The following TMEM178B variants were observed in gnomAD, a reference collection of about 807,000 sequenced individuals.
TMEM178B encodes the protein transmembrane protein 178B.
A neutral mutation model predicts 31.0 loss-of-function variants in TMEM178B; 5 were observed. The observed-to-expected ratio is 0.16, with a 90% CI of 0.08 to 0.34. The LOEUF (loss-of-function observed/expected upper bound fraction) is 0.34, where lower values mean the gene tolerates loss of function less well. Among genes scored for constraint, TMEM178B ranks in the 10% least tolerant of loss-of-function variants. The probability of loss-of-function intolerance (pLI) is 1.00; values close to 1 mark genes in which losing one functional copy is unlikely to be tolerated. For missense variants in TMEM178B, 275 were observed against 400.3 expected (o/e 0.69, Z 2.67); for synonymous variants, 164 against 164.0 (o/e 1.00, Z 0.00).
At chr7:141,118,324 T>G (rs1795352557) in intron 1 of TMEM178B, among the ~76,000 whole-genome samples, 1 of 152,228 alleles carries the variant, frequency 6.6e-6, no homozygotes. Flanking sequence ...TGAAGAGCCC[T>G]GAGTCTAGAT....
chr7:141,115,035 T>TTG (rs141595860), intron 1 of TMEM178B, among the ~76,000 whole-genome samples: 1,652 of 148,646 alleles, frequency 0.011, 23 homozygotes, highest in African/African-American at 0.028. Flanking sequence ...TCTGTGGGAT[T>TTG]TGTGTGTGTG....
intron 2 of TMEM178B, among the ~76,000 whole-genome samples, chr7:141,405,933 C>T (rs1800877704): frequency 6.6e-6 from 1 of 152,154 alleles, no homozygotes; most frequent in African/African-American, 2.4e-5. Flanking sequence ...GTGTTCAGTC[C>T]TCATTAAAAT....
At chr7:141,294,074 C>A (rs1221506619) in intron 2 of TMEM178B, among the ~76,000 whole-genome samples, 1 of 151,940 alleles carries the variant, frequency 6.6e-6, no homozygotes, top group African/African-American at 2.4e-5. Flanking sequence ...GGTTTGAGTC[C>A]CAAGTTTGCC....
intron 2 of TMEM178B, among the ~76,000 whole-genome samples, chr7:141,374,239 T>C (rs17162168): frequency 0.1 from 15,619 of 152,188 alleles, 1,366 homozygotes; most frequent in African/African-American, 0.23. Context: ...TTAAACGGGA[T>C]TCCACCAGCA....
intron 1 of TMEM178B, among the ~76,000 whole-genome samples, chr7:141,127,471 G>A (rs1009242737): frequency 2.0e-5 from 3 of 152,192 alleles, no homozygotes; most frequent in Non-Finnish European, 4.4e-5. Flanking sequence ...AAGAAGAAGA[G>A]AGGCCACAGA....
Position 141,441,685 on chromosome 7 carries a change from A to T in TMEM178B, c.634+3940A>T, listed in dbSNP as rs369120086. Among the ~76,000 whole-genome samples, 157 of 152,292 alleles carry T rather than the reference A, an allele frequency of 1.0e-3. 1 individual carries two copies. The highest frequency in any genetic ancestry group is 3.7e-3 in the African/African-American group (155 of 41,562). ...TTTGGAGACAAGAGTTCAAGAGATG[A>T]AATTGCAGGTGACTTCAGAGGAAAC... On this transcript the variant is annotated intron_variant, in intron 3 of 3. Coordinates refer to ENST00000565468, the MANE Select transcript of TMEM178B (RefSeq NM_001195278.2).
At chr7:141,209,544 G>A (rs1250495625) in intron 1 of TMEM178B, among the ~76,000 whole-genome samples, 3 of 152,222 alleles carry the variant, frequency 2.0e-5, no homozygotes, top group Admixed American at 1.3e-4. Context: ...TGTTATTGGT[G>A]CTTACCTTGT....
intron 2 of TMEM178B, among the ~76,000 whole-genome samples, chr7:141,387,241 T>A (rs1800448031): frequency 6.6e-6 from 1 of 152,226 alleles, no homozygotes; most frequent in African/African-American, 2.4e-5. Context: ...TCTACATAGC[T>A]TTATTGAGCA....
In TMEM178B at chr7:141,342,289, T is replaced by C. The variant is rs552417082; in HGVS notation, c.497-95319T>C. On this transcript the variant is annotated intron_variant, in intron 2 of 3. Transcript: ENST00000565468. ...AAAGTGTTGAATAAAAGAGCAATAA[T>C]GGATCCTTCAGTATCATTGGTTCTA... Among the ~76,000 whole-genome samples, 82 of 152,342 alleles carry C rather than the reference T, an allele frequency of 5.4e-4. No homozygotes were observed. In the South Asian group the frequency reaches 0.017, roughly 31 times the overall value.
At chr7:141,231,203 A>G (rs571468661) in intron 2 of TMEM178B, among the ~76,000 whole-genome samples, 1 of 152,216 alleles carries the variant, frequency 6.6e-6, no homozygotes, top group East Asian at 1.9e-4. Flanking sequence ...GCTGGTGCAT[A>G]CAGAAGGCAA....
chr7:141,506,802 C>T, the TMEM178B span, among the ~76,000 whole-genome samples: 14 of 152,258 alleles, frequency 9.2e-5, no homozygotes, highest in African/African-American at 1.7e-4. Context: ...AAGTCCCTTC[C>T]GCCTATGAGC....
intron 2 of TMEM178B, among the ~76,000 whole-genome samples, chr7:141,290,695 C>A (rs1050706131): frequency 2.0e-5 from 3 of 152,236 alleles, no homozygotes; most frequent in African/African-American, 7.2e-5. Context: ...TCACCCCACC[C>A]ACAAGATAGT....
At chr7:141,426,451 T>C (rs897561074) in intron 2 of TMEM178B, among the ~76,000 whole-genome samples, 2 of 152,176 alleles carry the variant, frequency 1.3e-5, no homozygotes, top group African/African-American at 4.8e-5. Context: ...TGTGAGTGTC[T>C]ACTAAAGTAC....
At position 141,183,423 on chromosome 7, in the gene TMEM178B, G is replaced by A. The variant is rs140460159; in HGVS notation, c.383-29168G>A. Reference sequence around the variant, plus strand: ...GTCAGACCTTTTCATTCTGCAAACAGCTGGGTTTGAAATTTTTCTTTGTGT... The same window carrying A: ...GTCAGACCTTTTCATTCTGCAAACAACTGGGTTTGAAATTTTTCTTTGTGT... On this transcript the variant is annotated intron_variant, in intron 1 of 3. Transcript: ENST00000565468. 4.9e-3 allele frequency among the ~76,000 whole-genome samples: 745 copies of A among 152,252 alleles called. 3 individuals carry two copies. The highest frequency in any genetic ancestry group is 6.9e-3 in the Non-Finnish European group (472 of 68,022).
At chr7:141,502,595 A>AC in the TMEM178B span, among the ~76,000 whole-genome samples, 2 of 152,142 alleles carry the variant, frequency 1.3e-5, no homozygotes, top group Non-Finnish European at 2.9e-5. Flanking sequence ...ATATGAAGAA[A>AC]CCCCGTATCT....
rs898155439 is a variant in TMEM178B at position 141,323,481 on chromosome 7, A to G, written c.496+110777A>G. 1.6e-4 allele frequency among the ~76,000 whole-genome samples: 24 copies of G among 152,210 alleles called. 1 individual carries two copies. Among genetic ancestry groups the G allele is most frequent in the Non-Finnish European group, 2.9e-5 (2 of 68,040 alleles). The stretch of plus-strand genomic sequence containing the variant: ...TTCCACATTAGTGAGTAAATTCTAC[A>G]TCATTATTTTAAGGGCTGCATAGCG... On this transcript the variant is annotated intron_variant, in intron 2 of 3. Transcript: ENST00000565468.
chr7:141,398,577 A>C (rs1426255958), intron 2 of TMEM178B, among the ~76,000 whole-genome samples: 1 of 152,220 alleles, frequency 6.6e-6, no homozygotes, highest in Non-Finnish European at 1.5e-5. Context: ...GAAGCCTCAG[A>C]CACCAGTGTG....
At chr7:141,362,707 G>C (rs1056833180) in intron 2 of TMEM178B, among the ~76,000 whole-genome samples, 1 of 152,094 alleles carries the variant, frequency 6.6e-6, no homozygotes, top group African/African-American at 2.4e-5. Flanking sequence ...ACTGGCTTAG[G>C]GCCTGGAATC....
chr7:141,213,472 C>G (rs1338851090), intron 2 of TMEM178B, among the ~76,000 whole-genome samples: 1 of 152,240 alleles, frequency 6.6e-6, no homozygotes, highest in East Asian at 1.9e-4. Context: ...CTACTGTCAG[C>G]AGGTTCATGC....
Sources: gnomAD v4.1 joint callset for allele counts (sites outside exome capture counted in the v4.1 genomes callset) on GRCh38, gnomAD v4.1.1 for gene constraint, MANE v1.5 for transcripts, NCBI Gene and HGNC (gene_info 2026-07-23, HGNC 2026-07-21) for gene names.